The following GRIP1 variants were observed in gnomAD, a reference collection of about 807,000 sequenced individuals.
GRIP1 encodes glutamate receptor-interacting protein 1.
A neutral mutation model predicts 129.9 loss-of-function variants in GRIP1; 45 were observed. That is an observed-to-expected ratio of 0.35 (90% CI 0.27 to 0.44). GRIP1 has a LOEUF of 0.44. Ranked by LOEUF, GRIP1 falls within the 20% of genes least tolerant of loss-of-function variation. The probability of loss-of-function intolerance (pLI) is 1.00; values close to 1 mark genes in which losing one functional copy is unlikely to be tolerated. For synonymous variants in GRIP1, 530 were observed against 520.8 expected, an observed-to-expected ratio of 1.02 and a Z score of -0.24; for missense variants, 1,196 against 1,396.8, an observed-to-expected ratio of 0.86 and a Z score of 2.29.
At chr12:66,924,425 A>G (rs141327599) in intron 1 of GRIP1, among the ~76,000 whole-genome samples, 1 of 152,310 alleles carries the variant, frequency 6.6e-6, no homozygotes, top group African/African-American at 2.4e-5. Context: ...AGGTAGAGAG[A>G]CAGAGATGTG....
At chr12:66,635,205 G>A (rs2031239027) in intron 1 of GRIP1, among the ~76,000 whole-genome samples, 1 of 152,022 alleles carries the variant, frequency 6.6e-6, no homozygotes, top group Non-Finnish European at 1.5e-5. Flanking sequence ...GATGGTTGAG[G>A]TCAGGGGTTC....
intron 1 of GRIP1, among the ~76,000 whole-genome samples, chr12:66,620,112 T>C (rs2065204692): frequency 1.3e-5 from 2 of 152,170 alleles, no homozygotes; most frequent in African/African-American, 4.8e-5. Flanking sequence ...AGGTAGAAAG[T>C]AGTGGAGCAG....
At chr12:66,942,787 G>C (rs75999690) in intron 1 of GRIP1, among the ~76,000 whole-genome samples, 2,354 of 152,264 alleles carry the variant, frequency 0.015, 74 homozygotes, top group African/African-American at 0.053. Context: ...ATTAGGAGGC[G>C]GAGCTTTTGG....
At chr12:67,036,409 C>A (rs994789313) in intron 1 of GRIP1, among the ~76,000 whole-genome samples, 2 of 151,786 alleles carry the variant, frequency 1.3e-5, no homozygotes, top group African/African-American at 4.8e-5. Flanking sequence ...CTCACTGCAA[C>A]CTCTGCCTCC....
Position 66,347,836 on chromosome 12 carries a change from A to AAAT in GRIP1, c.*1180_*1182dup, listed in dbSNP as rs1160314216. 6.6e-6 allele frequency: 1 copy of AAAT among 152,232 alleles called. No individual in the cohort carries two copies. The highest frequency in any genetic ancestry group is 6.5e-5 in the Admixed American group (1 of 15,286). The allele number at this position is 152,232 out of a possible 1,614,324, so 9.4% of individuals were successfully genotyped here. Reference sequence around the variant, plus strand: ...AAGTGGTAGTTTGAATTATTGACCAAAATGAAAATGTTTGGAAAATAATCA... The same window carrying AAAT: ...AAGTGGTAGTTTGAATTATTGACCAAAATAATGAAAATGTTTGGAAAATAATCA... On this transcript the variant is annotated 3_prime_UTR_variant, in exon 25 of 25. Transcript: ENST00000359742.
chr12:66,944,655 A>C (rs569603991), intron 1 of GRIP1, among the ~76,000 whole-genome samples: 1 of 152,284 alleles, frequency 6.6e-6, no homozygotes, highest in East Asian at 1.9e-4. Flanking sequence ...AAGGTAACAC[A>C]TAAGGTCCGA....
chr12:66,979,222 TAAAA>T (rs35306665), intron 1 of GRIP1, among the ~76,000 whole-genome samples: 125 of 41,390 alleles, frequency 3.0e-3, no homozygotes, highest in African/African-American at 8.4e-3. Flanking sequence ...CTTCTCTTCT[TAAAA>T]AAAAAAAAAA....
chr12:66,534,394 C>G (rs980946675), intron 4 of GRIP1, among the ~76,000 whole-genome samples: 5 of 152,148 alleles, frequency 3.3e-5, no homozygotes, highest in Non-Finnish European at 7.4e-5. Flanking sequence ...TCCTAACAGT[C>G]TTTGGGCTTG....
At position 66,394,165 on chromosome 12, in the gene GRIP1, C is replaced by T. The variant is rs199652120; in HGVS notation, c.2129+43G>A. The T allele has an allele frequency of 6.8e-4, 1,070 of 1,578,068 alleles. 6 individuals carry two copies. In the Middle Eastern group the frequency reaches 0.013, roughly 19 times the overall value. ...TTATGTGGTTGTGAGGAAGGAAGCC[C>T]GTCTCAGACACAGGTAATTATAACA... On this transcript the variant is annotated intron_variant, in intron 17 of 24. Coordinates refer to ENST00000359742, the MANE Select transcript of GRIP1 (RefSeq NM_001366722.1).
intron 23 of GRIP1, among the ~76,000 whole-genome samples, chr12:66,354,288 C>A (rs1445309899): frequency 6.6e-6 from 1 of 152,178 alleles, no homozygotes; most frequent in African/African-American, 2.4e-5. Context: ...CTCCACCAGC[C>A]CTCACTCCTT....
intron 16 of GRIP1, among the ~76,000 whole-genome samples, chr12:66,398,810 A>T (rs1367453373): frequency 2.0e-5 from 3 of 152,034 alleles, no homozygotes; most frequent in Admixed American, 2.0e-4. Flanking sequence ...CCAACTTTTA[A>T]GAACCAATTT....
chr12:67,019,414 A>C (rs2042834019), intron 1 of GRIP1, among the ~76,000 whole-genome samples: 1 of 152,238 alleles, frequency 6.6e-6, no homozygotes, highest in Non-Finnish European at 1.5e-5. Context: ...CTGACTGCAC[A>C]GAACTGTAAT....
chr12:66,636,594 T>C (rs1338086466), intron 1 of GRIP1, among the ~76,000 whole-genome samples: 1 of 152,140 alleles, frequency 6.6e-6, no homozygotes, highest in Non-Finnish European at 1.5e-5. Flanking sequence ...CATTTCACAA[T>C]ATGACTGCAT....
intron 11 of GRIP1, among the ~76,000 whole-genome samples, chr12:66,448,134 C>G (rs2058682718): frequency 6.6e-6 from 1 of 152,046 alleles, no homozygotes; most frequent in African/African-American, 2.4e-5. Context: ...ATGGATCTCC[C>G]TCCTTGATGG....
rs78222241 is a variant in GRIP1 at position 66,912,401 on chromosome 12, A to T, written c.58+156649T>A. Among the ~76,000 whole-genome samples the T allele has an allele frequency of 4.7e-3, 713 of 151,584 alleles. 4 individuals carry two copies. The highest frequency in any genetic ancestry group is 0.024 in the Middle Eastern group (7 of 294). On this transcript the variant is annotated intron_variant, in intron 1 of 1. Transcript: ENST00000643019. Reference sequence around the variant, plus strand: ...GAAGAAATACAGAAGCCTGTTTTCTAAAAAAAATGTATAGATATTACTATG... The same window carrying T: ...GAAGAAATACAGAAGCCTGTTTTCTTAAAAAAATGTATAGATATTACTATG...
intron 1 of GRIP1, among the ~76,000 whole-genome samples, chr12:66,608,814 A>G (rs1395574776): frequency 6.6e-6 from 1 of 152,068 alleles, no homozygotes; most frequent in African/African-American, 2.4e-5. Flanking sequence ...AGCAGTGTAA[A>G]TAAAGTACCC....
chr12:66,572,382 C>A (rs1442303391), intron 2 of GRIP1, among the ~76,000 whole-genome samples: 1 of 152,072 alleles, frequency 6.6e-6, no homozygotes, highest in Non-Finnish European at 1.5e-5. Flanking sequence ...AAGAAACAAA[C>A]CTGTAAATTA....
chr12:66,628,159 A>G (rs2030312306), intron 1 of GRIP1, among the ~76,000 whole-genome samples: 1 of 152,188 alleles, frequency 6.6e-6, no homozygotes, highest in Admixed American at 6.5e-5. Flanking sequence ...TTCAAATGTC[A>G]TCTCTTCAGA....
chr12:66,572,481 A>G (rs1172276661), intron 2 of GRIP1, among the ~76,000 whole-genome samples: 1 of 152,198 alleles, frequency 6.6e-6, no homozygotes, highest in Non-Finnish European at 1.5e-5. Context: ...CAGAATTCTC[A>G]GAGAAAATCA....
Sources: allele counts gnomAD v4.1 joint callset (sites outside exome capture counted in the v4.1 genomes callset), GRCh38; gene constraint gnomAD v4.1.1; transcripts MANE v1.5; gene names NCBI Gene and HGNC (gene_info 2026-07-23, HGNC 2026-07-21).